Variants in RIMBP2 observed in about 807,000 individuals in gnomAD.
RIMBP2 encodes the protein RIMS binding protein 2.
In RIMBP2, 48 loss-of-function variants were observed where a neutral mutation model predicts 118.6. The observed-to-expected ratio is 0.40, with a 90% CI of 0.32 to 0.51. The LOEUF (loss-of-function observed/expected upper bound fraction) is 0.51. Among genes scored for constraint, RIMBP2 ranks in the 20% least tolerant of loss-of-function variants. The pLI is 0.41. For missense variants in RIMBP2, 1,551 were observed against 1,768.3 expected, an observed-to-expected ratio of 0.88 and a Z score of 2.20; for synonymous variants, 762 against 742.9, an observed-to-expected ratio of 1.03 and a Z score of -0.42.
intron 1 of RIMBP2, among the ~76,000 whole-genome samples, chr12:130,676,128 C>T (rs2064451244): frequency 6.6e-6 from 1 of 152,234 alleles, no homozygotes; most frequent in South Asian, 2.1e-4. Context: ...TCCCAGCCAC[C>T]AGCGCTGTGA....
chr12:130,543,165 T>C (rs2054765367), intron 2 of RIMBP2, among the ~76,000 whole-genome samples: 1 of 152,342 alleles, frequency 6.6e-6, no homozygotes, highest in South Asian at 2.1e-4. Flanking sequence ...TTCTTCTCCA[T>C]GGACAGTGTA....
At chr12:130,461,873 CACCTTCATAA>C (rs998333401) in intron 6 of RIMBP2, among the ~76,000 whole-genome samples, 39 of 152,228 alleles carry the variant, frequency 2.6e-4, no homozygotes, top group African/African-American at 8.9e-4. Flanking sequence ...CTTCATAAAT[CACCTTCATAA>C]ACCTTCATAA....
intron 1 of RIMBP2, among the ~76,000 whole-genome samples, chr12:130,673,002 G>GA (rs1269067697): frequency 2.6e-5 from 4 of 151,292 alleles, no homozygotes; most frequent in Admixed American, 6.6e-5. Context: ...CTGCTCCCAG[G>GA]AAACAAAGGA....
At chr12:130,680,819 C>A (rs1326891399) in intron 1 of RIMBP2, among the ~76,000 whole-genome samples, 2 of 152,190 alleles carry the variant, frequency 1.3e-5, no homozygotes, top group African/African-American at 4.8e-5. Context: ...AGGCCCTGGG[C>A]TCAGAGGAGA....
intron 2 of RIMBP2, among the ~76,000 whole-genome samples, chr12:130,526,072 T>C (rs1220048852): frequency 6.6e-6 from 1 of 151,938 alleles, no homozygotes; most frequent in Non-Finnish European, 1.5e-5. Context: ...CAGAGGAAGG[T>C]TCAGAAATGC....
chr12:130,565,182 ATGGCTCAC>A (rs1442290485), intron 2 of RIMBP2, among the ~76,000 whole-genome samples: 1 of 152,144 alleles, frequency 6.6e-6, no homozygotes, highest in African/African-American at 2.4e-5. Flanking sequence ...TGGTGTGATC[ATGGCTCAC>A]TGCAGCCTTG....
At chr12:130,666,278 A>C in intron 1 of RIMBP2, among the ~76,000 whole-genome samples, 1 of 152,116 alleles carries the variant, frequency 6.6e-6, no homozygotes, top group East Asian at 1.9e-4. Context: ...GCAAGAAGAG[A>C]GAGTCTAAAA....
chr12:130,482,417 G>A (rs150330663), intron 4 of RIMBP2, among the ~76,000 whole-genome samples: 1 of 152,192 alleles, frequency 6.6e-6, no homozygotes. Context: ...AAGGCAGATC[G>A]ATGAAACGAG....
intron 2 of RIMBP2, among the ~76,000 whole-genome samples, chr12:130,575,432 T>G (rs1026568820): frequency 6.6e-6 from 1 of 151,992 alleles, no homozygotes; most frequent in African/African-American, 2.4e-5. Flanking sequence ...CTCCAACCCT[T>G]TTAAGCAATA....
At chr12:130,452,324 C>T (rs978023537) in intron 7 of RIMBP2, among the ~76,000 whole-genome samples, 24 of 152,194 alleles carry the variant, frequency 1.6e-4, no homozygotes, top group Admixed American at 7.9e-4. Flanking sequence ...AGGAGCCGCC[C>T]CTAGCAGGCC....
chr12:130,532,102 G>T (rs372843922), intron 2 of RIMBP2, among the ~76,000 whole-genome samples: 37 of 82,666 alleles, frequency 4.5e-4, no homozygotes, highest in South Asian at 1.3e-3. Flanking sequence ...CTCTAGGAGG[G>T]ACGTCTAATG....
At chr12:130,603,491 C>T (rs1305866168) in intron 2 of RIMBP2, among the ~76,000 whole-genome samples, 5 of 152,078 alleles carry the variant, frequency 3.3e-5, no homozygotes, top group Non-Finnish European at 7.4e-5. Flanking sequence ...CAATGCAGAT[C>T]AAAAATAGAA....
chr12:130,554,513 C>T (rs1347169108), intron 2 of RIMBP2, among the ~76,000 whole-genome samples: 1 of 152,164 alleles, frequency 6.6e-6, no homozygotes, highest in African/African-American at 2.4e-5. Context: ...TAACATCACC[C>T]TCAAATTCAA....
chr12:130,456,573 G>C lies in RIMBP2; in HGVS notation c.281C>G (p.Ala94Gly), dbSNP rs138634184. 1.5e-3 allele frequency: 2,495 copies of C among 1,613,314 alleles called. 26 individuals carry two copies. The African/African-American group carries it at 0.027, about 18-fold the overall frequency. ...GGGGGCCGTGGAGATGTCCAGGGGG[G>C]CCACCGCGCTGCCACCCAGCAGGTC... ...KIDLLGGSAV[A>G]PLDISTAPSK... The change falls in exon 7 of 23, where the codon GCC (alanine) becomes GGC (glycine). Residue 94 changes from alanine to glycine, a missense_variant. Ala to Gly is a moderately conservative substitution (Grantham distance 60). Coordinates refer to ENST00000690449, the MANE Select transcript of RIMBP2 (RefSeq NM_001393629.1).
intron 2 of RIMBP2, among the ~76,000 whole-genome samples, chr12:130,530,544 G>A (rs1477421185): frequency 3.3e-5 from 5 of 152,082 alleles, no homozygotes; most frequent in Admixed American, 3.3e-4. Flanking sequence ...ACATAAAAAG[G>A]GTTTTTACCT....
At chr12:130,467,084 TG>T (rs1342609490) in intron 6 of RIMBP2, among the ~76,000 whole-genome samples, 7 of 152,242 alleles carry the variant, frequency 4.6e-5, no homozygotes, top group African/African-American at 7.2e-5. Flanking sequence ...AAGCTGTCCT[TG>T]TTCATTCCTG....
At chr12:130,645,531 A>G (rs2062827548) in intron 1 of RIMBP2, among the ~76,000 whole-genome samples, 1 of 152,260 alleles carries the variant, frequency 6.6e-6, no homozygotes, top group Non-Finnish European at 1.5e-5. Context: ...GGATGGGCAG[A>G]GAACTCAAGC....
chr12:130,396,160 A>T lies in RIMBP2; in HGVS notation c.*1201T>A, dbSNP rs551890568. 1 of 152,786 alleles carries T rather than the reference A, an allele frequency of 6.5e-6. No homozygotes were observed. The highest frequency in any genetic ancestry group is 2.1e-4 in the South Asian group (1 of 4,828). 9.5% of individuals were successfully genotyped at this position (152,786 alleles called of 1,614,324 possible). On this transcript the variant is annotated 3_prime_UTR_variant, in exon 23 of 23. Coordinates refer to ENST00000690449, the MANE Select transcript of RIMBP2 (RefSeq NM_001393629.1). The stretch of plus-strand genomic sequence containing the variant: ...GTATAAAATAACAAATTTTATTTCT[A>T]GAAAATATTTTACACTAACTGTGCA...
rs982561990 is a variant in RIMBP2 at position 130,670,466 on chromosome 12, C to T, written c.-351-42010G>A. Among the ~76,000 whole-genome samples the T allele has an allele frequency of 6.6e-6, 1 of 152,118 alleles. No individual in the cohort carries two copies. The highest frequency in any genetic ancestry group is 1.5e-5 in the Non-Finnish European group (1 of 68,020). ...TCTCTCCTAGCTCTGGGCCCAAGGC[C>T]TTGGTATGTGCAGCTCCCTCCAACT... On this transcript the variant is annotated intron_variant, in intron 1 of 22. Transcript: ENST00000690449. This position sits in a 1 kb window ranked among gnomAD's most constrained non-coding sequence, Gnocchi z 4.9.
Sources: allele counts gnomAD v4.1 joint callset (sites outside exome capture counted in the v4.1 genomes callset), GRCh38; gene constraint gnomAD v4.1.1; non-coding constraint Gnocchi (gnomAD v3.1); transcripts MANE v1.5; gene names NCBI Gene and HGNC (gene_info 2026-07-23, HGNC 2026-07-21).